PLB1: variants seen among roughly 807,000 people sequenced by gnomAD.
PLB1 encodes the protein phospholipase B1.
Under a neutral mutation model 227.4 loss-of-function variants are expected in PLB1, and 242 were observed. That is an observed-to-expected ratio of 1.06 (90% CI 0.96 to 1.18). PLB1 has a LOEUF of 1.18. Ranked by LOEUF, PLB1 falls within the 50% of genes most tolerant of loss-of-function variation. The pLI, the probability that PLB1 is intolerant of heterozygous loss-of-function variation, is 0.00. For missense variants in PLB1, 1,858 were observed against 1,816.3 expected, an observed-to-expected ratio of 1.02 and a Z score of -0.42; for synonymous variants, 757 against 682.2, an observed-to-expected ratio of 1.11 and a Z score of -1.71.
chr2:28,570,349 A>C (rs1677797476), intron 20 of PLB1, among the ~76,000 whole-genome samples: 1 of 152,252 alleles, frequency 6.6e-6, no homozygotes, highest in Non-Finnish European at 1.5e-5. Flanking sequence ...TAGCCCAGGA[A>C]TACAAGGTTA....
At chr2:28,568,995 A>G (rs1677541892) in intron 20 of PLB1, among the ~76,000 whole-genome samples, 1 of 152,188 alleles carries the variant, frequency 6.6e-6, no homozygotes, top group Non-Finnish European at 1.5e-5. Flanking sequence ...AGGTGATTTC[A>G]CAGTCCTTTT....
Position 28,643,705 on chromosome 2 carries a change from G to C in PLB1, c.*644G>C, listed in dbSNP as rs1325426653. On this transcript the variant is annotated 3_prime_UTR_variant, in exon 58 of 58. Coordinates refer to ENST00000327757, the MANE Select transcript of PLB1 (RefSeq NM_153021.5). ...TCTGATTGTTTTAAAGAATAGAAAG[G>C]GTTCTTCGGGGAAAGTTTCTTGGGG... The C allele has an allele frequency of 6.6e-6, 1 of 152,198 alleles. No individual in the cohort carries two copies. The highest frequency in any genetic ancestry group is 1.5e-5 in the Non-Finnish European group (1 of 68,044). The allele number at this position is 152,198 out of a possible 1,614,324, so 9.4% of individuals were successfully genotyped here.
intron 2 of PLB1, 44 bp downstream of exon 2, chr2:28,516,913 G>A: frequency 6.3e-7 from 1 of 1,587,496 alleles, no homozygotes; most frequent in Non-Finnish European, 8.6e-7. Flanking sequence ...ATGGAGGGGA[G>A]AGGGAGGATT....
Position 28,501,218 on chromosome 2 carries a change from C to T in PLB1, c.55+5049C>T, listed in dbSNP as rs532581277. Among the ~76,000 whole-genome samples, 3 of 152,212 alleles carry T rather than the reference C, an allele frequency of 2.0e-5. No homozygotes were observed. The South Asian group carries it at 6.2e-4, about 32-fold the overall frequency. On this transcript the variant is annotated intron_variant, in intron 1 of 57. Transcript: ENST00000327757. ...TTCCATATTTGTATTGTCCTTCACC[C>T]ACAGTGCAAATCTGGGTTACAGACA... is the stretch of plus-strand genomic sequence containing the variant.
intron 26 of PLB1, among the ~76,000 whole-genome samples, chr2:28,587,808 C>T (rs1681162015): frequency 6.6e-6 from 1 of 152,204 alleles, no homozygotes; most frequent in Admixed American, 6.5e-5. Context: ...GTTAGGAAAG[C>T]AGGCGTTCTC....
At chr2:28,605,614 T>C (rs1042581819) in intron 41 of PLB1, among the ~76,000 whole-genome samples, 3 of 152,178 alleles carry the variant, frequency 2.0e-5, no homozygotes, top group Admixed American at 6.5e-5. Flanking sequence ...ACACTTCTAA[T>C]TGAATAAGGG....
intron 20 of PLB1, among the ~76,000 whole-genome samples, chr2:28,567,537 C>G (rs1024037431): frequency 1.5e-5 from 2 of 137,230 alleles, no homozygotes; most frequent in African/African-American, 5.8e-5. Context: ...AGAGTGGCGC[C>G]ATCTCAGCTC....
chr2:28,550,549 G>T (rs1674076302), intron 16 of PLB1, among the ~76,000 whole-genome samples: 1 of 147,984 alleles, frequency 6.8e-6, no homozygotes. Context: ...TTTTTGGTGG[G>T]AGGAGGGCGG....
At chr2:28,622,980 G>T (rs1223044431) in intron 49 of PLB1, among the ~76,000 whole-genome samples, 1 of 152,222 alleles carries the variant, frequency 6.6e-6, no homozygotes, top group Non-Finnish European at 1.5e-5. Flanking sequence ...AGGTAAGGAG[G>T]CTAAACAAAT....
intron 17 of PLB1, among the ~76,000 whole-genome samples, chr2:28,561,523 A>G (rs1197229752): frequency 6.6e-6 from 1 of 152,244 alleles, no homozygotes; most frequent in East Asian, 1.9e-4. Context: ...AAATAACCCA[A>G]ATGCCTATCG....
At chr2:28,596,411 C>T (rs1682920954) in intron 33 of PLB1, among the ~76,000 whole-genome samples, 1 of 152,176 alleles carries the variant, frequency 6.6e-6, no homozygotes, top group Non-Finnish European at 1.5e-5. Flanking sequence ...TTTTCATAGC[C>T]TGTTGGTCTT....
At chr2:28,586,958 A>G (rs1043759737) in intron 26 of PLB1, among the ~76,000 whole-genome samples, 1 of 152,136 alleles carries the variant, frequency 6.6e-6, no homozygotes, top group African/African-American at 2.4e-5. Flanking sequence ...TATGTTGCCC[A>G]GGCTGGTCTT....
chr2:28,568,862 C>G (rs952663263), intron 20 of PLB1, among the ~76,000 whole-genome samples: 1 of 152,176 alleles, frequency 6.6e-6, no homozygotes, highest in African/African-American at 2.4e-5. Context: ...GTTGCCCTAT[C>G]CAATGTGTGG....
At chr2:28,611,836 C>T (rs573640166) in intron 43 of PLB1, among the ~76,000 whole-genome samples, 14 of 152,152 alleles carry the variant, frequency 9.2e-5, no homozygotes, top group South Asian at 6.2e-4. Flanking sequence ...GCCCTGAGTA[C>T]CTCTCCTTGA....
chr2:28,532,890 A>G (rs1239942376), intron 9 of PLB1, among the ~76,000 whole-genome samples: 1 of 152,218 alleles, frequency 6.6e-6, no homozygotes, highest in African/African-American at 2.4e-5. Context: ...GTGAATATCT[A>G]TGACTTAAGT....
At chr2:28,532,768 T>G (rs2148195856) in intron 9 of PLB1, among the ~76,000 whole-genome samples, 1 of 152,346 alleles carries the variant, frequency 6.6e-6, no homozygotes, top group South Asian at 2.1e-4. Flanking sequence ...CCATGAATTC[T>G]ATTTGTGGTG....
chr2:28,529,416 C>G lies in PLB1; in HGVS notation c.416+9C>G. On this transcript the variant is annotated intron_variant, in intron 7 of 57. Coordinates refer to ENST00000327757, the MANE Select transcript of PLB1 (RefSeq NM_153021.5). ...CCCCACGATGGTGCTGAGTAAGTTC[C>G]CTTTCTGTCTCTCTCTGAGGTTATG... is the stretch of plus-strand genomic sequence containing the variant. The G allele has an allele frequency of 4.4e-6, 7 of 1,577,310 alleles. No homozygotes were observed. Among genetic ancestry groups the G allele is most frequent in the Non-Finnish European group, 6.1e-6 (7 of 1,146,712 alleles).
intron 17 of PLB1, among the ~76,000 whole-genome samples, chr2:28,558,703 GTA>G (rs1015095884): frequency 2.9e-5 from 4 of 138,784 alleles, no homozygotes; most frequent in Admixed American, 7.0e-5. Context: ...TGGTGTGTGT[GTA>G]TGTGTGTGTG....
At chr2:28,581,049 G>A (rs1449384416) in intron 23 of PLB1, among the ~76,000 whole-genome samples, 1 of 152,114 alleles carries the variant, frequency 6.6e-6, no homozygotes, top group Non-Finnish European at 1.5e-5. Flanking sequence ...TGGGACCCTG[G>A]GCCCCTCCCC....
Sources: allele counts gnomAD v4.1 joint callset (sites outside exome capture counted in the v4.1 genomes callset), GRCh38; gene constraint gnomAD v4.1.1; transcripts MANE v1.5; gene names NCBI Gene and HGNC (gene_info 2026-07-23, HGNC 2026-07-21).